The following COPS4 variants were observed in gnomAD, a reference collection of about 807,000 sequenced individuals.
The protein encoded by COPS4 is COP9 signalosome subunit 4, also known as COP9 signalosome complex subunit 4.
In COPS4, 8 loss-of-function variants were observed where a neutral mutation model predicts 55.1. That is an observed-to-expected ratio of 0.15 (90% CI 0.09 to 0.26). The LOEUF (loss-of-function observed/expected upper bound fraction) is 0.26. Ranked by LOEUF, COPS4 falls within the 10% of genes least tolerant of loss-of-function variation. COPS4 has a pLI of 1.00. For synonymous variants in COPS4, 185 were observed against 165.7 expected (o/e 1.12, Z -0.90); for missense variants, 248 against 484.0 (o/e 0.51, Z 4.58).
intron 2 of COPS4, among the ~76,000 whole-genome samples, chr4:83,048,204 CAGAAGCACAG>C (rs1234576125): frequency 6.6e-6 from 1 of 152,098 alleles, no homozygotes; most frequent in Non-Finnish European, 1.5e-5. Flanking sequence ...CATGAGGAAA[CAGAAGCACAG>C]AGAAGCATAG....
intron 6 of COPS4, among the ~76,000 whole-genome samples, chr4:83,058,379 G>A (rs1013146055): frequency 6.6e-6 from 1 of 151,756 alleles, no homozygotes; most frequent in Non-Finnish European, 1.5e-5. Context: ...CACCATGCCT[G>A]GCTAATTTTT....
At chr4:83,069,923 T>C (rs1459554104) in intron 9 of COPS4, among the ~76,000 whole-genome samples, 1 of 152,216 alleles carries the variant, frequency 6.6e-6, no homozygotes, top group South Asian at 2.1e-4. Context: ...TTAGCAGTTA[T>C]TTTTGTCTGA....
chr4:83,063,532 C>T (rs1275198688), intron 7 of COPS4, among the ~76,000 whole-genome samples: 6 of 151,248 alleles, frequency 4.0e-5, no homozygotes, highest in East Asian at 1.9e-4. Flanking sequence ...CTCAGCCTCC[C>T]GAGTAGCTGG....
At chr4:83,046,850 T>C (rs755308808) in intron 2 of COPS4, among the ~76,000 whole-genome samples, 4 of 152,194 alleles carry the variant, frequency 2.6e-5, no homozygotes, top group Non-Finnish European at 4.4e-5. Flanking sequence ...AGTCTCAGGA[T>C]TGAGTAACTT....
chr4:83,069,509 C>T (rs762875401), intron 9 of COPS4, among the ~76,000 whole-genome samples: 28 of 152,154 alleles, frequency 1.8e-4, no homozygotes, highest in Non-Finnish European at 3.7e-4. Context: ...AGGTCCTCAG[C>T]ACTACATAGG....
At chr4:83,049,025 G>A in intron 2 of COPS4, 141 bp from the exon 3 acceptor site, 1 of 678,828 alleles carries the variant, frequency 1.5e-6, no homozygotes, top group Non-Finnish European at 2.4e-6. Flanking sequence ...TAAAATGATA[G>A]GGGTATGGAA....
At chr4:83,057,143 C>A in intron 5 of COPS4, 64 bp downstream of exon 5, 1 of 1,513,498 alleles carries the variant, frequency 6.6e-7, no homozygotes. Context: ...TAAGATGTTC[C>A]AGGACATCTG....
intron 4 of COPS4, 48 bp downstream of exon 4, chr4:83,050,032 A>G: frequency 2.8e-6 from 3 of 1,085,142 alleles, no homozygotes; most frequent in Non-Finnish European, 4.1e-6. Flanking sequence ...GATGTATATA[A>G]TTGCTCACTT....
At chr4:83,058,776 C>T (rs1202949172) in intron 6 of COPS4, among the ~76,000 whole-genome samples, 1 of 151,988 alleles carries the variant, frequency 6.6e-6, no homozygotes, top group Non-Finnish European at 1.5e-5. Context: ...TATCATAATT[C>T]ATTTAGTCAG....
intron 2 of COPS4, among the ~76,000 whole-genome samples, chr4:83,047,069 T>G (rs1023242657): frequency 6.6e-6 from 1 of 152,110 alleles, no homozygotes; most frequent in African/African-American, 2.4e-5. Context: ...TAATTACAAC[T>G]GCCTTAAAAA....
intron 6 of COPS4, among the ~76,000 whole-genome samples, chr4:83,059,677 ATTC>A (rs1022694166): frequency 2.6e-5 from 4 of 151,608 alleles, no homozygotes; most frequent in Non-Finnish European, 5.9e-5. Flanking sequence ...AAACAGCTCA[ATTC>A]TTCTTTTTGT....
rs201799098 is a variant in COPS4 at position 83,068,416 on chromosome 4, G to A, written c.1003-22G>A. 63 of 1,514,738 alleles carry A rather than the reference G, an allele frequency of 4.2e-5. No homozygotes were observed. The African/African-American group carries it at 8.5e-4, about 20-fold the overall frequency. 93.8% of individuals were successfully genotyped at this position (1,514,738 alleles called of 1,614,324 possible). A position where few individuals can be genotyped will look rare whatever the true frequency, so the allele number is the denominator to read the frequency against. ...CTAAAAGATATGATAAAGTTTCTGA[G>A]AGTTTTTTTTTCCCCCAATAGGCGG... is the stretch of plus-strand genomic sequence containing the variant. On this transcript the variant is annotated intron_variant, in intron 8 of 9. Transcript: ENST00000264389.
intron 9 of COPS4, among the ~76,000 whole-genome samples, 167 bp from the exon 10 acceptor site, chr4:83,075,130 A>G (rs576270506): frequency 6.6e-6 from 1 of 152,090 alleles, no homozygotes; most frequent in African/African-American, 2.4e-5. Context: ...AAAGAAAAGT[A>G]TTTATTGTTT....
At chr4:83,069,413 G>A (rs970660231) in intron 9 of COPS4, among the ~76,000 whole-genome samples, 1 of 152,144 alleles carries the variant, frequency 6.6e-6, no homozygotes, top group Non-Finnish European at 1.5e-5. Flanking sequence ...TGACTCTTCT[G>A]TTTTCTTCCA....
chr4:83,063,356 T>A (rs1344117137), intron 7 of COPS4, 110 bp downstream of exon 7: 17 of 700,350 alleles, frequency 2.4e-5, no homozygotes, highest in Non-Finnish European at 3.6e-5. Flanking sequence ...TAACACTTCC[T>A]CATAAAAAAA....
chr4:83,040,762 T>A (rs1730544195), intron 1 of COPS4, among the ~76,000 whole-genome samples: 1 of 448 alleles, frequency 2.2e-3, no homozygotes, highest in Non-Finnish European at 0.022. Context: ...TATGTTGGCT[T>A]TTTTTTTTTT....
At chr4:83,071,972 A>G (rs1459808105) in intron 9 of COPS4, among the ~76,000 whole-genome samples, 1 of 152,148 alleles carries the variant, frequency 6.6e-6, no homozygotes, top group Non-Finnish European at 1.5e-5. Flanking sequence ...GGCCTCCCAA[A>G]GTGCTGGGAT....
intron 1 of COPS4, chr4:83,035,719 C>A (rs1432971243): frequency 1.2e-5 from 2 of 165,580 alleles, no homozygotes; most frequent in African/African-American, 2.4e-5. Context: ...TATTCTGGGG[C>A]CTTGATGCTG....
chr4:83,066,861 T>G (rs1731304032), intron 8 of COPS4, among the ~76,000 whole-genome samples: 1 of 152,202 alleles, frequency 6.6e-6, no homozygotes, highest in African/African-American at 2.4e-5. Context: ...TTTCTGAGAA[T>G]GTCTTTGTTT....
Sources: allele counts gnomAD v4.1 joint callset (sites outside exome capture counted in the v4.1 genomes callset), GRCh38; gene constraint gnomAD v4.1.1; transcripts MANE v1.5; gene names NCBI Gene and HGNC (gene_info 2026-07-23, HGNC 2026-07-21).